ELN: variants seen among roughly 807,000 people sequenced by gnomAD.
The protein encoded by ELN is elastin, also known as tropoelastin.
In ELN, 65 loss-of-function variants were observed where a neutral mutation model predicts 105.8. The ratio of observed to expected loss-of-function variants is 0.61; its 90% confidence interval spans 0.50 to 0.75. The LOEUF is 0.75. ELN is among the 30% of genes least tolerant of loss of function. The probability of loss-of-function intolerance (pLI) is 0.00; values close to 1 mark genes in which losing one functional copy is unlikely to be tolerated. For synonymous variants in ELN, 368 were observed against 389.2 expected (o/e 0.95, Z 0.64); for missense variants, 882 against 969.4 (o/e 0.91, Z 1.20).
chr7:74,059,277 G>A lies in ELN; in HGVS notation c.1415-609G>A, dbSNP rs1413008188. 3.9e-5 allele frequency among the ~76,000 whole-genome samples: 6 copies of A among 152,106 alleles called. No individual in the cohort carries two copies. In the East Asian group the frequency reaches 1.2e-3, roughly 29 times the overall value. On this transcript the variant is annotated intron_variant, in intron 22 of 32. Transcript: ENST00000252034. ...CCTACAGTTGCACAGCTAAATGGTG[G>A]CTGAGCTGAGATTTGAACCCAAAGC...
At chr7:74,064,359 G>A (rs1426211258) in intron 29 of ELN, among the ~76,000 whole-genome samples, 1 of 151,086 alleles carries the variant, frequency 6.6e-6, no homozygotes, top group Non-Finnish European at 1.5e-5. Context: ...AGCTTGCAGT[G>A]AGCCGAGATC....
chr7:74,066,913 C>CTG, intron 32 of ELN, 137 bp downstream of exon 32: 3 of 873,194 alleles, frequency 3.4e-6, no homozygotes, highest in Non-Finnish European at 5.6e-6. Context: ...TCACACGAGG[C>CTG]TGGACCCCGA....
chr7:74,043,816 G>C, intron 8 of ELN, 63 bp from the exon 9 acceptor site: 5 of 1,601,030 alleles, frequency 3.1e-6, no homozygotes, highest in Non-Finnish European at 4.3e-6. Context: ...GGGTGGGAAG[G>C]GCTGGGGAGG....
At chr7:74,036,619 A>G in intron 3 of ELN, 35 bp downstream of exon 3, 1 of 1,613,998 alleles carries the variant, frequency 6.2e-7, no homozygotes, top group Non-Finnish European at 8.5e-7. Context: ...CATCACTGAA[A>G]GGGCCTGGGT....
chr7:74,054,639 G>A (rs1794864668), intron 18 of ELN, 77 bp from the exon 19 acceptor site: 1 of 1,453,242 alleles, frequency 6.9e-7, no homozygotes, highest in Admixed American at 1.7e-5. Flanking sequence ...CACACAGATG[G>A]GTAGACAGAG....
chr7:74,058,986 C>T (rs1012867492), intron 22 of ELN, among the ~76,000 whole-genome samples: 1 of 151,936 alleles, frequency 6.6e-6, no homozygotes, highest in Non-Finnish European at 1.5e-5. Context: ...GCAGTGATGC[C>T]GTCAGCTCGC....
chr7:74,053,080 G>A, intron 17 of ELN, 83 bp from the exon 18 acceptor site: 1 of 1,603,558 alleles, frequency 6.2e-7, no homozygotes, highest in South Asian at 1.1e-5. Flanking sequence ...AGGACCAACT[G>A]TCACTTCCAT....
chr7:74,060,826 G>A (rs1006498699), intron 25 of ELN, among the ~76,000 whole-genome samples: 1 of 152,204 alleles, frequency 6.6e-6, no homozygotes, highest in African/African-American at 2.4e-5. Context: ...GTGGCCAGGG[G>A]ACCACTAGGA....
At chr7:74,054,690 A>G (rs1281315855) in intron 18 of ELN, 26 bp from the exon 19 acceptor site, 1 of 1,613,676 alleles carries the variant, frequency 6.2e-7, no homozygotes, top group Non-Finnish European at 8.5e-7. Flanking sequence ...TCTCCTGAGC[A>G]TTTGTGTCCC....
At chr7:74,050,302 C>T (rs1793732504) in intron 15 of ELN, among the ~76,000 whole-genome samples, 1 of 151,884 alleles carries the variant, frequency 6.6e-6, no homozygotes, top group African/African-American at 2.4e-5. Context: ...TCCATTCCTC[C>T]ATGCATCCAT....
At position 74,068,930 on chromosome 7, in the gene ELN, GC is replaced by G; in HGVS notation, c.*236del. ...CAGAGGCAAGGGCCATGTGGTCCTG[GC>G]CCCCCACCCCATCCCTTCCCACCTA... is the stretch of plus-strand genomic sequence containing the variant. On this transcript the variant is annotated 3_prime_UTR_variant, in exon 33 of 33. Coordinates refer to ENST00000252034, the MANE Select transcript of ELN (RefSeq NM_000501.4). 1 of 587,334 alleles carries G rather than the reference GC, an allele frequency of 1.7e-6. No individual in the cohort carries two copies. Among genetic ancestry groups the G allele is most frequent in the Non-Finnish European group, 3.1e-6 (1 of 326,330 alleles). 36.4% of individuals were successfully genotyped at this position (587,334 alleles called of 1,614,324 possible).
intron 3 of ELN, among the ~76,000 whole-genome samples, chr7:74,036,881 C>T (rs1450023181): frequency 2.0e-5 from 3 of 152,074 alleles, no homozygotes; most frequent in East Asian, 1.9e-4. Flanking sequence ...AGTGCAGTGG[C>T]GTGATCTCAG....
chr7:74,066,914 T>TGTGG, intron 32 of ELN, 138 bp downstream of exon 32: 1 of 868,984 alleles, frequency 1.2e-6, no homozygotes. Flanking sequence ...CACACGAGGC[T>TGTGG]GGACCCCGAG....
chr7:74,066,114 G>C, intron 31 of ELN, 117 bp downstream of exon 31: 1 of 1,420,580 alleles, frequency 7.0e-7, no homozygotes, highest in Non-Finnish European at 9.8e-7. Flanking sequence ...AGGAGACTGG[G>C]GCTGGTGAGG....
intron 12 of ELN, 88 bp downstream of exon 12, chr7:74,046,855 G>A (rs1350911904): frequency 1.4e-5 from 20 of 1,466,076 alleles, no homozygotes; most frequent in African/African-American, 9.7e-5. Context: ...AGGCTAAGGC[G>A]GGCAGATCAC....
Position 74,066,012 on chromosome 7 carries a change from C to T in ELN, c.2086+15C>T, listed in dbSNP as rs782373464. 5.0e-6 allele frequency: 8 copies of T among 1,614,078 alleles called. No homozygotes were observed. In the South Asian group the frequency reaches 7.7e-5, roughly 16 times the overall value. ...CCCACTTGGAGGTAGGGGTGGCCAG[C>T]TCTGCTACGTAGTCCTCAGCTCTGT... is the stretch of plus-strand genomic sequence containing the variant. On this transcript the variant is annotated intron_variant, in intron 31 of 32. Transcript: ENST00000252034.
chr7:74,049,188 C>A (rs1793307940), intron 15 of ELN, among the ~76,000 whole-genome samples: 1 of 151,458 alleles, frequency 6.6e-6, no homozygotes, highest in Non-Finnish European at 1.5e-5. Context: ...TCTATCCATT[C>A]ATCCACCCAT....
chr7:74,039,762 T>C (rs1790756816), intron 4 of ELN, among the ~76,000 whole-genome samples: 1 of 152,244 alleles, frequency 6.6e-6, no homozygotes, highest in African/African-American at 2.4e-5. Context: ...AGGTGCTTTC[T>C]GCACACATGC....
chr7:74,068,147 G>C (rs575038154), intron 32 of ELN, among the ~76,000 whole-genome samples: 31 of 152,204 alleles, frequency 2.0e-4, no homozygotes, highest in East Asian at 1.9e-3. Flanking sequence ...TTCCCAGGAG[G>C]GGGTAGGAAT....
Sources: gnomAD v4.1 joint callset for allele counts (sites outside exome capture counted in the v4.1 genomes callset) on GRCh38, gnomAD v4.1.1 for gene constraint, MANE v1.5 for transcripts, NCBI Gene and HGNC (gene_info 2026-07-23, HGNC 2026-07-21) for gene names.